Variants in UGT8 observed in about 807,000 individuals in gnomAD.
UGT8 encodes the protein UDP glycosyltransferase 8, also known as 2-hydroxyacylsphingosine 1-beta-galactosyltransferase.
In UGT8, 12 loss-of-function variants were observed where a neutral mutation model predicts 40.5. The observed-to-expected ratio is 0.30, with a 90% CI of 0.19 to 0.48. The LOEUF is 0.48. UGT8 is among the 20% of genes least tolerant of loss of function. The probability of loss-of-function intolerance (pLI) is 0.99; values close to 1 mark genes in which losing one functional copy is unlikely to be tolerated. For missense variants in UGT8, 513 were observed against 648.7 expected, an observed-to-expected ratio of 0.79 and a Z score of 2.27; for synonymous variants, 224 against 240.4, an observed-to-expected ratio of 0.93 and a Z score of 0.63.
intron 2 of UGT8, among the ~76,000 whole-genome samples, chr4:114,655,195 A>C (rs1361127834): frequency 1.3e-5 from 2 of 151,784 alleles, no homozygotes; most frequent in Admixed American, 6.6e-5. Flanking sequence ...TTATTTATTT[A>C]GTTTGCATCA....
chr4:114,629,654 A>G (rs1732449696), intron 2 of UGT8, among the ~76,000 whole-genome samples: 1 of 152,204 alleles, frequency 6.6e-6, no homozygotes, highest in African/African-American at 2.4e-5. Context: ...CACTGTTGAA[A>G]CTATCAATGA....
intron 2 of UGT8, among the ~76,000 whole-genome samples, chr4:114,657,304 G>C (rs1734249504): frequency 6.6e-6 from 1 of 151,970 alleles, no homozygotes; most frequent in Admixed American, 6.6e-5. Context: ...AATTGTAACT[G>C]TACTGGCAAA....
intron 1 of UGT8, among the ~76,000 whole-genome samples, chr4:114,620,413 T>C: frequency 6.6e-6 from 1 of 152,206 alleles, no homozygotes; most frequent in East Asian, 1.9e-4. Context: ...TTTTCCTTCT[T>C]CAGATTTGTG....
intron 2 of UGT8, among the ~76,000 whole-genome samples, chr4:114,649,425 G>T (rs560610345): frequency 6.6e-6 from 1 of 152,256 alleles, no homozygotes; most frequent in Admixed American, 6.5e-5. Context: ...AAAAAATTAA[G>T]TAGCTATACA....
chr4:114,671,773 C>G (rs1419668125), intron 5 of UGT8, among the ~76,000 whole-genome samples: 1 of 152,190 alleles, frequency 6.6e-6, no homozygotes. Flanking sequence ...TGGGCAAAGA[C>G]TTCATGACTA....
intron 2 of UGT8, among the ~76,000 whole-genome samples, chr4:114,657,688 C>CTT (rs913767645): frequency 6.8e-6 from 1 of 146,512 alleles, no homozygotes; most frequent in African/African-American, 2.5e-5. Context: ...GCAGAATGAC[C>CTT]TTTTTTTTTT....
At position 114,611,546 on chromosome 4, in the gene UGT8, T is replaced by TATATAC. The variant is rs55742419; in HGVS notation, c.-2-11332_-2-11331insTATACA. On this transcript the variant is annotated intron_variant, in intron 1 of 5. Coordinates refer to ENST00000310836, the MANE Select transcript of UGT8 (RefSeq NM_001128174.3). The stretch of plus-strand genomic sequence containing the variant: ...ATATATCCATATATATATATATATA[T>TATATAC]ACACACACACAGATGTTAGAAGACA... Among the ~76,000 whole-genome samples, 455 of 140,632 alleles carry TATATAC rather than the reference T, an allele frequency of 3.2e-3. 20 individuals carry two copies. The South Asian group carries it at 0.072, about 22-fold the overall frequency. The allele number at this position is 140,632 out of a possible 152,430, so 92.3% of individuals were successfully genotyped here.
At chr4:114,644,903 T>C (rs1227969404) in intron 2 of UGT8, among the ~76,000 whole-genome samples, 1 of 152,196 alleles carries the variant, frequency 6.6e-6, no homozygotes, top group Non-Finnish European at 1.5e-5. Flanking sequence ...CATGTAGTTA[T>C]ACATTCAAAT....
chr4:114,665,828 T>TG (rs1185841167), intron 4 of UGT8, 72 bp downstream of exon 4: 23 of 1,340,208 alleles, frequency 1.7e-5, no homozygotes, highest in Non-Finnish European at 2.1e-6. Flanking sequence ...TTTTTTTTTT[T>TG]TTTACTTCAG....
intron 1 of UGT8, among the ~76,000 whole-genome samples, chr4:114,606,306 G>A (rs1028940670): frequency 2.0e-5 from 3 of 152,134 alleles, no homozygotes; most frequent in Admixed American, 6.6e-5. Context: ...TGATTCAGTG[G>A]TGGTGTCTTC....
Position 114,622,870 on chromosome 4 carries a change from T to C in UGT8, c.-2-9T>C. 1 of 1,589,988 alleles carries C rather than the reference T, an allele frequency of 6.3e-7. No individual in the cohort carries two copies. ...TTTGTTTTAAGTTGTTTTCTGGTTG[T>C]TATTACAGCTATGAAGTCTTACACT... On this transcript the variant is annotated splice_polypyrimidine_tract_variant and intron_variant, in intron 1 of 5. Transcript: ENST00000310836.
rs546323543 is a variant in UGT8 at position 114,674,378 on chromosome 4, T to C, written c.1263-1547T>C. Among the ~76,000 whole-genome samples, 499 of 152,300 alleles carry C rather than the reference T, an allele frequency of 3.3e-3. 2 individuals carry two copies. The highest frequency in any genetic ancestry group is 4.7e-3 in the Non-Finnish European group (318 of 68,012). Reference sequence around the variant, plus strand: ...TTCCCTTCACATTTAATCCACACTTTTACCAACTCCTGCCAACTCTTCTAC... The same window carrying C: ...TTCCCTTCACATTTAATCCACACTTCTACCAACTCCTGCCAACTCTTCTAC... On this transcript the variant is annotated intron_variant, in intron 5 of 5. Coordinates refer to ENST00000310836, the MANE Select transcript of UGT8 (RefSeq NM_001128174.3).
At chr4:114,672,242 A>G (rs1735335566) in intron 5 of UGT8, among the ~76,000 whole-genome samples, 1 of 152,232 alleles carries the variant, frequency 6.6e-6, no homozygotes, top group African/African-American at 2.4e-5. Context: ...TAGTTTAGCC[A>G]TTGTGGAAGA....
intron 2 of UGT8, among the ~76,000 whole-genome samples, chr4:114,648,786 G>T (rs1413537283): frequency 6.6e-6 from 1 of 152,134 alleles, no homozygotes; most frequent in Non-Finnish European, 1.5e-5. Flanking sequence ...TAACTTTGGG[G>T]AATATAATAT....
intron 5 of UGT8, among the ~76,000 whole-genome samples, chr4:114,673,741 C>T (rs999198324): frequency 2.0e-5 from 3 of 152,072 alleles, no homozygotes; most frequent in African/African-American, 7.2e-5. Context: ...TAAGATGTCA[C>T]GTTTCATTTT....
intron 1 of UGT8, among the ~76,000 whole-genome samples, chr4:114,614,852 T>C (rs1012147519): frequency 8.6e-5 from 13 of 151,282 alleles, no homozygotes; most frequent in Non-Finnish European, 1.3e-4. Flanking sequence ...TTTTTTTTTT[T>C]TTTTTTTTGG....
intron 2 of UGT8, among the ~76,000 whole-genome samples, chr4:114,649,641 C>T (rs1466881194): frequency 6.6e-6 from 1 of 152,130 alleles, no homozygotes; most frequent in African/African-American, 2.4e-5. Flanking sequence ...TGTTACATCT[C>T]ATTGACCAGA....
At chr4:114,625,601 A>G (rs977125704) in intron 2 of UGT8, among the ~76,000 whole-genome samples, 3 of 150,474 alleles carry the variant, frequency 2.0e-5, no homozygotes, top group Non-Finnish European at 3.0e-5. Flanking sequence ...CTTGAGTTGC[A>G]GCAACTTGAA....
chr4:114,603,277 G>T (rs533546384), intron 1 of UGT8, among the ~76,000 whole-genome samples: 1 of 152,338 alleles, frequency 6.6e-6, no homozygotes, highest in African/African-American at 2.4e-5. Flanking sequence ...ATCATTGTAT[G>T]TGAGTTCTGA....
Sources: gnomAD v4.1 joint callset for allele counts (sites outside exome capture counted in the v4.1 genomes callset) on GRCh38, gnomAD v4.1.1 for gene constraint, MANE v1.5 for transcripts, NCBI Gene and HGNC (gene_info 2026-07-23, HGNC 2026-07-21) for gene names.